TF: variants seen among roughly 807,000 people sequenced by gnomAD.
TF encodes the protein serotransferrin.
Under a neutral mutation model 82.4 loss-of-function variants are expected in TF, and 55 were observed. The ratio of observed to expected loss-of-function variants is 0.67; its 90% CI spans 0.54 to 0.84. TF has a LOEUF of 0.84. Ranked by LOEUF, TF falls within the 40% of genes least tolerant of loss-of-function variation. TF has a pLI of 0.00. For synonymous variants in TF, 332 were observed against 332.6 expected (o/e 1.00, Z 0.02); for missense variants, 737 against 868.4 (o/e 0.85, Z 1.90).
intron 9 of TF, 68 bp from the exon 10 acceptor site, chr3:133,764,114 A>G: frequency 1.4e-6 from 2 of 1,410,682 alleles, no homozygotes. Context: ...TCAAGGAAAC[A>G]GCTGGAAAAG....
rs1292234241 is a variant in TF at position 133,756,459 on chromosome 3, TG to T, written c.691+125del. ...ACTGTATTTCTCCTTTATCATTGCC[TG>T]GGTTTCCACCTGTGCAGAGTTAGGT... On this transcript the variant is annotated intron_variant, in intron 6 of 16. Coordinates refer to ENST00000402696, the MANE Select transcript of TF (RefSeq NM_001063.4). 3 of 1,175,138 alleles carry T rather than the reference TG, an allele frequency of 2.6e-6. No individual in the cohort carries two copies. The East Asian group carries it at 7.6e-5, about 30-fold the overall frequency. 72.8% of individuals were successfully genotyped at this position (1,175,138 alleles called of 1,614,324 possible).
Position 133,780,007 on chromosome 3 carries a change from C to T in TF, c.*1387C>T, listed in dbSNP as rs1934483858. ...TCTGTTGATTTTGCTTTCTAAATAA[C>T]TTCAGTTGGCTCCTTTCTTTTCCTG... is the stretch of plus-strand genomic sequence containing the variant. On this transcript the variant is annotated 3_prime_UTR_variant, in exon 17 of 17. Coordinates refer to ENST00000402696, the MANE Select transcript of TF (RefSeq NM_001063.4). 1.3e-5 allele frequency: 2 copies of T among 152,198 alleles called. No homozygotes were observed. Among genetic ancestry groups the T allele is most frequent in the African/African-American group, 4.8e-5 (2 of 41,438 alleles). The allele number at this position is 152,198 out of a possible 1,614,324, so 9.4% of individuals were successfully genotyped here.
chr3:133,743,755 A>G (rs1483846809), upstream of TF, among the ~76,000 whole-genome samples: 1 of 152,142 alleles, frequency 6.6e-6, no homozygotes, highest in Non-Finnish European at 1.5e-5. Flanking sequence ...TATAGAATTA[A>G]AGAATATAAA....
chr3:133,681,156 T>C, the TF span, among the ~76,000 whole-genome samples: 2 of 152,262 alleles, frequency 1.3e-5, no homozygotes, highest in Non-Finnish European at 2.9e-5. Context: ...CTGATTTTAA[T>C]GCCCCCACAA....
At chr3:133,733,533 G>T in the TF span, among the ~76,000 whole-genome samples, 4 of 152,316 alleles carry the variant, frequency 2.6e-5, no homozygotes, top group East Asian at 1.9e-4. Flanking sequence ...CTAGCTGTCA[G>T]CCTGGGGGGT....
intron 10 of TF, 26 bp from the exon 11 acceptor site, chr3:133,764,849 C>T (rs1559874673): frequency 1.9e-6 from 3 of 1,612,018 alleles, no homozygotes; most frequent in Non-Finnish European, 8.5e-7. Flanking sequence ...GGTTTAATGC[C>T]TTTTTCATTT....
the TF span, among the ~76,000 whole-genome samples, chr3:133,730,870 G>A: frequency 6.6e-6 from 1 of 152,072 alleles, no homozygotes; most frequent in African/African-American, 2.4e-5. Context: ...GAGATTTGTT[G>A]ATCTGATTTT....
chr3:133,692,029 A>G, the TF span, among the ~76,000 whole-genome samples: 2 of 152,200 alleles, frequency 1.3e-5, no homozygotes, highest in South Asian at 4.1e-4. Context: ...AACTTTGCAC[A>G]TTTTGATAGA....
rs1353199153 is a variant in TF, at chr3:133,795,328, T to C, written c.*16708T>C. 1 of 152,180 alleles carries C rather than the reference T, an allele frequency of 6.6e-6. No homozygotes were observed. The highest frequency in any genetic ancestry group is 1.5e-5 in the Non-Finnish European group (1 of 68,046). 9.4% of individuals were successfully genotyped at this position (152,180 alleles called of 1,614,324 possible). ...ATAGTCATAATAATAGTCTCCCTGG[T>C]GTGCTGTATTCTCTCAACGGTTTTA... is the stretch of plus-strand genomic sequence containing the variant. On this transcript the variant is annotated 3_prime_UTR_variant, in exon 17 of 17. Transcript: ENST00000402696.
At chr3:133,693,387 G>A in the TF span, among the ~76,000 whole-genome samples, 1 of 152,220 alleles carries the variant, frequency 6.6e-6, no homozygotes, top group Non-Finnish European at 1.5e-5. Flanking sequence ...GTTATGTTGA[G>A]GCACAGTAAG....
chr3:133,719,738 C>A, the TF span, among the ~76,000 whole-genome samples: 28 of 152,212 alleles, frequency 1.8e-4, no homozygotes, highest in South Asian at 5.6e-3. Flanking sequence ...TTTTTCCAAT[C>A]CATGAACATG....
the TF span, among the ~76,000 whole-genome samples, chr3:133,698,710 A>G: frequency 2.0e-5 from 3 of 152,000 alleles, no homozygotes; most frequent in African/African-American, 7.3e-5. Context: ...AACTAATTAC[A>G]TTTTCAAGGT....
At chr3:133,682,139 C>G in the TF span, among the ~76,000 whole-genome samples, 1 of 152,158 alleles carries the variant, frequency 6.6e-6, no homozygotes. Context: ...AGCTGAGGGT[C>G]CTGACTGTTA....
chr3:133,727,036 T>C, the TF span, among the ~76,000 whole-genome samples: 398 of 152,332 alleles, frequency 2.6e-3, 4 homozygotes, highest in Middle Eastern at 6.8e-3. Context: ...TTTGTTATAA[T>C]TTCTGTTCTT....
upstream of TF, among the ~76,000 whole-genome samples, chr3:133,745,123 A>G (rs1029468988): frequency 6.6e-6 from 1 of 152,248 alleles, no homozygotes; most frequent in Non-Finnish European, 1.5e-5. Context: ...CCTTAAAAAG[A>G]TTCTTACAAA....
chr3:133,711,544 A>G, the TF span, among the ~76,000 whole-genome samples: 201 of 152,174 alleles, frequency 1.3e-3, 2 homozygotes, highest in Middle Eastern at 3.4e-3. Flanking sequence ...CATCCTCCGC[A>G]TAGCCATCTA....
At chr3:133,691,166 G>C in the TF span, among the ~76,000 whole-genome samples, 1 of 152,194 alleles carries the variant, frequency 6.6e-6, no homozygotes, top group African/African-American at 2.4e-5. Flanking sequence ...TTTCCATGAT[G>C]GGTAGGGAAA....
In TF at chr3:133,786,216, AT is replaced by A. The variant is rs1333171285; in HGVS notation, c.*7597del. 1 of 17,224 alleles carries A rather than the reference AT, an allele frequency of 5.8e-5. No individual in the cohort carries two copies. Among genetic ancestry groups the A allele is most frequent in the Admixed American group, 1.0e-3 (1 of 1,002 alleles). 1.1% of individuals were successfully genotyped at this position (17,224 alleles called of 1,614,324 possible). A position where few individuals can be genotyped will look rare whatever the true frequency, so the allele number is the denominator to read the frequency against. On this transcript the variant is annotated 3_prime_UTR_variant, in exon 17 of 17. Coordinates refer to ENST00000402696, the MANE Select transcript of TF (RefSeq NM_001063.4). ...ACACCCAAGAATTATCAATAAAAAA[AT>A]AAATTAAAAAAAAAAAAAAAAAACA...
At chr3:133,726,325 C>T in the TF span, among the ~76,000 whole-genome samples, 1 of 152,196 alleles carries the variant, frequency 6.6e-6, no homozygotes, top group South Asian at 2.1e-4. Context: ...ATTATTGCCA[C>T]AATTTCAGAG....
Sources: gnomAD v4.1 joint callset for allele counts (sites outside exome capture counted in the v4.1 genomes callset) on GRCh38, gnomAD v4.1.1 for gene constraint, MANE v1.5 for transcripts, NCBI Gene and HGNC (gene_info 2026-07-23, HGNC 2026-07-21) for gene names.